Variants in FLNB observed in about 807,000 individuals in gnomAD.
The protein encoded by FLNB is filamin B, also known as filamin-B.
Under a neutral mutation model 250.6 loss-of-function variants are expected in FLNB, and 111 were observed. The ratio of observed to expected loss-of-function variants is 0.44; its 90% CI spans 0.38 to 0.52. The LOEUF (loss-of-function observed/expected upper bound fraction) is 0.52, where lower values mean the gene tolerates loss of function less well. Ranked by LOEUF, FLNB falls within the 20% of genes least tolerant of loss-of-function variation. FLNB has a pLI of 0.00. For missense variants in FLNB, 2,869 were observed against 3,447.8 expected (o/e 0.83, Z 4.20); for synonymous variants, 1,302 against 1,372.1 (o/e 0.95, Z 1.13).
At position 58,106,625 on chromosome 3, in the gene FLNB, G is replaced by T. The variant is rs574357405; in HGVS notation, c.1748-55G>T. On this transcript the variant is annotated intron_variant, in intron 11 of 45. Transcript: ENST00000295956. ...AGCGGGAATGAGCTGTCGTAACATAGAATAGGTGCTTTCCACCATATAACC... is the reference window on the plus strand; with the variant it reads ...AGCGGGAATGAGCTGTCGTAACATATAATAGGTGCTTTCCACCATATAACC... 5 of 1,535,372 alleles carry T rather than the reference G, an allele frequency of 3.3e-6. No individual in the cohort carries two copies. The East Asian group carries it at 1.1e-4, about 35-fold the overall frequency.
intron 1 of FLNB, among the ~76,000 whole-genome samples, chr3:58,060,388 C>G (rs2097176393): frequency 1.4e-5 from 2 of 142,772 alleles, no homozygotes; most frequent in South Asian, 4.7e-4. Context: ...GAGTCTCGCT[C>G]TGTTGCCCAG....
chr3:58,125,626 A>C lies in FLNB; in HGVS notation c.3944A>C (p.Asn1315Thr). Reference sequence around the variant, plus strand: ...ACATATGATGACGTGCCTATCCCAAACAGTCCCTTCAAGGTGGCTGTCACT... The same window carrying C: ...ACATATGATGACGTGCCTATCCCAACCAGTCCCTTCAAGGTGGCTGTCACT... ...EVTYDDVPIP[N>T]SPFKVAVTEG... The change falls in exon 23 of 46, where the codon AAC becomes ACC. Residue 1315 changes from asparagine (N) to threonine (T), a missense_variant. Asn to Thr is a moderately conservative substitution (Grantham distance 65). Transcript: ENST00000295956. 6.2e-7 allele frequency: 1 copy of C among 1,614,156 alleles called. No homozygotes were observed. The highest frequency in any genetic ancestry group is 1.1e-5 in the South Asian group (1 of 91,078).
intron 1 of FLNB, among the ~76,000 whole-genome samples, chr3:58,020,545 G>T (rs2097112377): frequency 6.6e-6 from 1 of 152,158 alleles, no homozygotes; most frequent in Non-Finnish European, 1.5e-5. Context: ...AAAGGTCTGG[G>T]TGTTAACACA....
At chr3:58,083,631 C>T (rs776099771) in intron 4 of FLNB, among the ~76,000 whole-genome samples, 10 of 151,948 alleles carry the variant, frequency 6.6e-5, no homozygotes, top group Non-Finnish European at 1.3e-4. Flanking sequence ...CCTCCCAATC[C>T]GCTTATTCTT....
At chr3:58,040,379 T>C (rs563349854) in intron 1 of FLNB, among the ~76,000 whole-genome samples, 1 of 152,270 alleles carries the variant, frequency 6.6e-6, no homozygotes, top group Non-Finnish European at 1.5e-5. Context: ...ATCTTACTCT[T>C]ATGGAGCCAT....
rs111583433 is a variant in FLNB, at chr3:58,125,384, C to T, written c.3899-197C>T. On this transcript the variant is annotated intron_variant, in intron 22 of 45. Transcript: ENST00000295956. ...CTGGACTCAAGTGATCTACCCACCT[C>T]GGCCTCCCAAAGTGCTGGGATTATA... Among the ~76,000 whole-genome samples, 9,893 of 152,256 alleles carry T rather than the reference C, an allele frequency of 0.065. 381 individuals are homozygous for T. The highest frequency in any genetic ancestry group is 0.079 in the Non-Finnish European group (5,379 of 68,006).
intron 1 of FLNB, among the ~76,000 whole-genome samples, chr3:58,075,299 A>G (rs2097200147): frequency 1.3e-5 from 2 of 151,984 alleles, no homozygotes; most frequent in Non-Finnish European, 2.9e-5. Context: ...AGGCCAAGGA[A>G]CTCACACATA....
chr3:58,022,942 C>T (rs750193688), intron 1 of FLNB, among the ~76,000 whole-genome samples: 3 of 151,670 alleles, frequency 2.0e-5, no homozygotes, highest in African/African-American at 4.8e-5. Context: ...CTCAGCCTCC[C>T]GAGTAGCTGG....
At chr3:58,122,957 G>T in intron 20 of FLNB, 136 bp from the exon 21 acceptor site, 4 of 818,958 alleles carry the variant, frequency 4.9e-6, no homozygotes, top group Non-Finnish European at 8.6e-6. Context: ...GTGTGCACGT[G>T]TGACACATAA....
At chr3:58,025,858 G>A (rs1000910440) in intron 1 of FLNB, among the ~76,000 whole-genome samples, 8 of 152,190 alleles carry the variant, frequency 5.3e-5, no homozygotes, top group East Asian at 1.9e-4. Context: ...CCTGGGAGGC[G>A]GAGGTTGCAG....
At chr3:58,018,351 T>C (rs2097108771) in intron 1 of FLNB, among the ~76,000 whole-genome samples, 1 of 147,080 alleles carries the variant, frequency 6.8e-6, no homozygotes, top group Admixed American at 6.8e-5. Context: ...TTTTTTTTTT[T>C]TTGAGGCAGA....
intron 8 of FLNB, among the ~76,000 whole-genome samples, chr3:58,101,451 A>G (rs1226766020): frequency 6.6e-6 from 1 of 152,254 alleles, no homozygotes; most frequent in East Asian, 1.9e-4. Flanking sequence ...TCTAGATACC[A>G]TGGAACAGTA....
chr3:58,148,095 T>A (rs1282260670), intron 34 of FLNB, 111 bp from the exon 35 acceptor site: 1 of 1,105,602 alleles, frequency 9.0e-7, no homozygotes, highest in Non-Finnish European at 1.4e-6. Context: ...TCACTTAACT[T>A]TGTGTAATTA....
At chr3:58,059,483 T>G (rs1204973197) in intron 1 of FLNB, among the ~76,000 whole-genome samples, 3 of 152,178 alleles carry the variant, frequency 2.0e-5, no homozygotes, top group Non-Finnish European at 4.4e-5. Flanking sequence ...GGGTTCTTGT[T>G]GAGCCGGGAA....
intron 43 of FLNB, among the ~76,000 whole-genome samples, chr3:58,167,229 C>T (rs890159948): frequency 7.9e-5 from 12 of 152,224 alleles, no homozygotes; most frequent in African/African-American, 1.7e-4. Flanking sequence ...TTCTTCCCTA[C>T]GTAGCCCCAG....
intron 1 of FLNB, among the ~76,000 whole-genome samples, chr3:58,058,480 G>C (rs1345691195): frequency 2.0e-5 from 3 of 152,150 alleles, no homozygotes; most frequent in Non-Finnish European, 4.4e-5. Context: ...GGAGAAGCTG[G>C]TTTTCGCCCA....
rs777229071 is a variant in FLNB at position 58,124,557 on chromosome 3, A to G, written c.3898+52A>G. 1.2e-5 allele frequency: 19 copies of G among 1,594,910 alleles called. No homozygotes were observed. In the East Asian group the frequency reaches 4.3e-4, roughly 36 times the overall value. ...CCCTCGTTCAGAGCTGCCCTTGGTC[A>G]TTGCCTCCTGGTGGCTGGTACTGAT... On this transcript the variant is annotated intron_variant, in intron 22 of 45. Coordinates refer to ENST00000295956, the MANE Select transcript of FLNB (RefSeq NM_001457.4).
At chr3:58,079,427 A>G (rs2097206049) in intron 3 of FLNB, among the ~76,000 whole-genome samples, 1 of 151,912 alleles carries the variant, frequency 6.6e-6, no homozygotes, top group African/African-American at 2.4e-5. Context: ...TAATTTTTGT[A>G]TTTTTAGTAG....
chr3:58,080,131 A>C (rs74618288), intron 3 of FLNB, among the ~76,000 whole-genome samples: 2,751 of 152,308 alleles, frequency 0.018, 77 homozygotes, highest in East Asian at 0.07. Context: ...CACACATCCT[A>C]CTTTTTATGG....
Sources: gnomAD v4.1 joint callset for allele counts (sites outside exome capture counted in the v4.1 genomes callset) on GRCh38, gnomAD v4.1.1 for gene constraint, MANE v1.5 for transcripts, NCBI Gene and HGNC (gene_info 2026-07-23, HGNC 2026-07-21) for gene names.